Variants in OR10R2 observed in about 807,000 individuals in gnomAD.
The protein encoded by OR10R2 is olfactory receptor 10R2.
OR10R2 carries 1 observed loss-of-function variant against 2.4 expected under a neutral mutation model. The observed-to-expected ratio is 0.41, with a 90% CI of 0.15 to 1.95. OR10R2 has a LOEUF of 1.95. OR10R2 is among the 30% of genes most tolerant of loss of function. OR10R2 has a pLI of 0.30. For synonymous variants in OR10R2, 166 were observed against 144.8 expected (o/e 1.15, Z -1.05); for missense variants, 419 against 373.0 (o/e 1.12, Z -1.01).
intron 1 of OR10R2, among the ~76,000 whole-genome samples, chr1:158,477,185 T>C (rs573366249): frequency 2.1e-3 from 318 of 152,226 alleles, no homozygotes; most frequent in Non-Finnish European, 2.9e-3. Flanking sequence ...AAGGAACATA[T>C]CTCAAAATAA....
intron 1 of OR10R2, among the ~76,000 whole-genome samples, chr1:158,475,080 T>C (rs900968962): frequency 6.6e-6 from 1 of 152,070 alleles, no homozygotes; most frequent in South Asian, 2.1e-4. Flanking sequence ...ACAACTACAA[T>C]ATAGCGAGGT....
chr1:158,476,547 CAAA>C (rs11291030), intron 1 of OR10R2, among the ~76,000 whole-genome samples: 8 of 110,024 alleles, frequency 7.3e-5, no homozygotes, highest in Admixed American at 2.0e-4. Context: ...GACTCCATCT[CAAA>C]AAAAAAAAAA....
chr1:158,480,877 T>A, exon 2 of OR10R2: 2 of 1,328,470 alleles, frequency 1.5e-6, no homozygotes, highest in Non-Finnish European at 2.1e-6. Context: ...TCTAAAACTA[T>A]ATAATTGAAA....
rs867546782 is a variant in OR10R2 at position 158,480,234 on chromosome 1, TC to T, written c.325del (p.Gln109LysfsTer18). ...CAATCTCCTTCAACTGTTGTGCTCTTCAAATGTTCTTCTTCCTTGGTTTTGC... is the reference window on the plus strand; with the variant it reads ...CAATCTCCTTCAACTGTTGTGCTCTTAAATGTTCTTCTTCCTTGGTTTTGC... On this transcript the variant is annotated frameshift_variant, in exon 2 of 2. Coordinates refer to ENST00000641067, the Ensembl canonical transcript of OR10R2. LOFTEE classifies it low-confidence loss of function (END_TRUNC). 2.2e-5 allele frequency: 36 copies of T among 1,613,922 alleles called. No individual in the cohort carries two copies. The highest frequency in any genetic ancestry group is 2.9e-5 in the Non-Finnish European group (34 of 1,179,956).
intron 1 of OR10R2, among the ~76,000 whole-genome samples, chr1:158,476,299 G>T (rs1389688340): frequency 6.6e-6 from 1 of 151,950 alleles, no homozygotes; most frequent in Non-Finnish European, 1.5e-5. Flanking sequence ...TGTAACCCCA[G>T]CACTTTGGGA....
rs1656277063 is a variant in OR10R2, at chr1:158,476,591, A to T, written c.28-3347A>T. Among the ~76,000 whole-genome samples, 3 of 151,800 alleles carry T rather than the reference A, an allele frequency of 2.0e-5. No individual in the cohort carries two copies. The South Asian group carries it at 6.2e-4, about 31-fold the overall frequency. On this transcript the variant is annotated intron_variant, in intron 1 of 1. Transcript: ENST00000641067. ...GAAAAAAATTAAAATAATTAAACTT[A>T]AAAAATTAATGTTTTAATTAATGCT... is the stretch of plus-strand genomic sequence containing the variant.
At chr1:158,480,534 A>C (rs1212719281) in exon 2 of OR10R2, 2 of 1,613,584 alleles carry the variant, frequency 1.2e-6, no homozygotes, top group Non-Finnish European at 1.7e-6. Context: ...AATTTGTGAT[A>C]TTCATTTGTG....
At chr1:158,480,858 G>A (rs1372695196) in exon 2 of OR10R2, 1 of 1,530,232 alleles carries the variant, frequency 6.5e-7, no homozygotes, top group Non-Finnish European at 8.9e-7. Context: ...TGTTGGGCAA[G>A]AAAGGTTCTC....
rs750051347 is a variant in OR10R2 at position 158,480,586 on chromosome 1, T to G, written c.676T>G (p.Ser226Ala). 24 of 1,613,618 alleles carry G rather than the reference T, an allele frequency of 1.5e-5. No homozygotes were observed. Among genetic ancestry groups the G allele is most frequent in the Non-Finnish European group, 1.9e-5 (23 of 1,179,698 alleles). The change falls in exon 2 of 2, where the codon TCT becomes GCT. Residue 226 changes from serine (S) to alanine (A), a missense_variant. Ser to Ala is a moderately conservative substitution (Grantham distance 99). Transcript: ENST00000641067. Reference sequence around the variant, plus strand: ...GGTTCCCTTTCTGTTTATCTGTGTTTCTTATCTCTGCATTCTGAGGACTAT... The same window carrying G: ...GGTTCCCTTTCTGTTTATCTGTGTTGCTTATCTCTGCATTCTGAGGACTAT...
chr1:158,480,904 A>G (rs746201285), exon 2 of OR10R2: 2 of 1,123,546 alleles, frequency 1.8e-6, no homozygotes, highest in Non-Finnish European at 2.5e-6. Context: ...TACATTTTAG[A>G]TTTCTTAATA....
chr1:158,476,169 A>G (rs902024559), intron 1 of OR10R2, among the ~76,000 whole-genome samples: 2 of 152,108 alleles, frequency 1.3e-5, no homozygotes, highest in East Asian at 3.8e-4. Flanking sequence ...AAGAGCTTTC[A>G]AAAATATGAT....
chr1:158,477,610 C>T (rs1038220403), intron 1 of OR10R2, among the ~76,000 whole-genome samples: 10 of 151,992 alleles, frequency 6.6e-5, no homozygotes, highest in Non-Finnish European at 1.5e-4. Flanking sequence ...GGAGAAAGGT[C>T]TCTACAAGGA....
At chr1:158,480,400 G>T in exon 2 of OR10R2, 1 of 1,613,998 alleles carries the variant, frequency 6.2e-7, no homozygotes, top group Non-Finnish European at 8.5e-7. Flanking sequence ...TGGCTTCTTG[G>T]CCTCTCTTAC....
exon 1 of OR10R2, chr1:158,472,339 T>C (rs777958594): frequency 2.5e-6 from 1 of 399,050 alleles, no homozygotes; most frequent in Non-Finnish European, 4.4e-6. Context: ...ACCACTGTTC[T>C]GGGGAGCGAA....
intron 1 of OR10R2, among the ~76,000 whole-genome samples, chr1:158,478,585 C>T (rs977261832): frequency 1.3e-5 from 2 of 152,010 alleles, no homozygotes; most frequent in Admixed American, 6.6e-5. Flanking sequence ...GTTTCAAACC[C>T]CAATTTTCAT....
chr1:158,473,860 C>T (rs538498707), intron 1 of OR10R2, among the ~76,000 whole-genome samples: 3 of 135,408 alleles, frequency 2.2e-5, no homozygotes, highest in African/African-American at 1.0e-4. Context: ...CTCCTTCCCT[C>T]TTTCCCTCTC....
At chr1:158,479,310 T>C (rs1055741043) in intron 1 of OR10R2, among the ~76,000 whole-genome samples, 2 of 152,164 alleles carry the variant, frequency 1.3e-5, no homozygotes, top group Non-Finnish European at 2.9e-5. Context: ...ATAGACCAAT[T>C]TGGTCAGAAT....
rs569684671 is a variant in OR10R2 at position 158,472,240 on chromosome 1, A to G, written c.-86A>G. 9 of 398,806 alleles carry G rather than the reference A, an allele frequency of 2.3e-5. No individual in the cohort carries two copies. The East Asian group carries it at 2.5e-4, about 11-fold the overall frequency. 24.7% of individuals were successfully genotyped at this position (398,806 alleles called of 1,614,324 possible). Reference sequence around the variant, plus strand: ...TAGATAGTAAAATTACCAAGCAGGCATTGATGCTAATGTGAACCAGAAAAA... The same window carrying G: ...TAGATAGTAAAATTACCAAGCAGGCGTTGATGCTAATGTGAACCAGAAAAA... On this transcript the variant is annotated 5_prime_UTR_variant, in exon 1 of 2. Coordinates refer to ENST00000641067, the Ensembl canonical transcript of OR10R2.
At chr1:158,474,388 G>C (rs1303867809) in intron 1 of OR10R2, 2 of 152,108 alleles carry the variant, frequency 1.3e-5, no homozygotes, top group African/African-American at 4.8e-5. Flanking sequence ...TTCCTACTTT[G>C]AATAAATTTG....
Sources: allele counts gnomAD v4.1 joint callset (sites outside exome capture counted in the v4.1 genomes callset), GRCh38; gene constraint gnomAD v4.1.1; transcripts MANE v1.5; gene names NCBI Gene and HGNC (gene_info 2026-07-23, HGNC 2026-07-21).